Variants in SBNO1 observed in about 807,000 individuals in gnomAD.
The protein encoded by SBNO1 is strawberry notch homolog 1.
A neutral mutation model predicts 173.6 loss-of-function variants in SBNO1; 23 were observed. The ratio of observed to expected loss-of-function variants is 0.13; its 90% CI spans 0.10 to 0.19. SBNO1 has a LOEUF of 0.19. Ranked by LOEUF, SBNO1 falls within the 10% of genes least tolerant of loss-of-function variation. The pLI, the probability that SBNO1 is intolerant of heterozygous loss-of-function variation, is 1.00. For synonymous variants in SBNO1, 632 were observed against 571.5 expected, an observed-to-expected ratio of 1.11 and a Z score of -1.51; for missense variants, 1,238 against 1,671.2, an observed-to-expected ratio of 0.74 and a Z score of 4.52.
intron 10 of SBNO1, 133 bp from the exon 11 acceptor site, chr12:123,328,160 C>T (rs933111105): frequency 4.9e-6 from 3 of 614,076 alleles, no homozygotes; most frequent in Non-Finnish European, 8.1e-6. Context: ...CAAAGGAAGT[C>T]CTATGGGCCT....
At chr12:123,352,977 T>A (rs1167619992) in intron 1 of SBNO1, among the ~76,000 whole-genome samples, 3 of 152,056 alleles carry the variant, frequency 2.0e-5, no homozygotes, top group African/African-American at 7.2e-5. Flanking sequence ...TTTTGTATTT[T>A]AGTAGAGATG....
intron 24 of SBNO1, 62 bp downstream of exon 24, chr12:123,313,558 C>T (rs1451720171): frequency 1.2e-6 from 1 of 865,928 alleles, no homozygotes; most frequent in East Asian, 2.5e-5. Context: ...AACATTACAA[C>T]AGGTTTGAGT....
chr12:123,332,095 C>T (rs1354538003), intron 7 of SBNO1, among the ~76,000 whole-genome samples: 6 of 152,014 alleles, frequency 3.9e-5, no homozygotes, highest in African/African-American at 1.2e-4. Context: ...ATGATGCACC[C>T]GCCTTGGCCT....
chr12:123,292,975 C>T lies in SBNO1; in HGVS notation c.*2933G>A, dbSNP rs994778728. The T allele has an allele frequency of 1.3e-5, 2 of 152,214 alleles. No individual in the cohort carries two copies. Among genetic ancestry groups the T allele is most frequent in the East Asian group, 1.9e-4 (1 of 5,202 alleles). The allele number at this position is 152,214 out of a possible 1,614,324, so 9.4% of individuals were successfully genotyped here. A position where few individuals can be genotyped will look rare whatever the true frequency, so the allele number is the denominator to read the frequency against. Reference sequence around the variant, plus strand: ...TGGAGGTTGCTAAATGAGGGGAACACTAATTCCCCCAGAGATAACATCTGA... The same window carrying T: ...TGGAGGTTGCTAAATGAGGGGAACATTAATTCCCCCAGAGATAACATCTGA... On this transcript the variant is annotated 3_prime_UTR_variant, in exon 32 of 32. Transcript: ENST00000602398.
In SBNO1 at chr12:123,350,235, C is replaced by A; in HGVS notation, c.132+75G>T. On this transcript the variant is annotated intron_variant, in intron 2 of 31. Transcript: ENST00000602398. Reference sequence around the variant, plus strand: ...CACCACTGCACCCCAGCCTGGGCCACAGAGTGAGACTATCTTAAAAAAAAA... The same window carrying A: ...CACCACTGCACCCCAGCCTGGGCCAAAGAGTGAGACTATCTTAAAAAAAAA... 3.9e-6 allele frequency: 6 copies of A among 1,554,538 alleles called. No homozygotes were observed. In the South Asian group the frequency reaches 6.9e-5, roughly 18 times the overall value.
intron 1 of SBNO1, 92 bp from the exon 2 acceptor site, chr12:123,350,533 T>C (rs1344035981): frequency 9.9e-7 from 1 of 1,008,592 alleles, no homozygotes; most frequent in Non-Finnish European, 1.5e-6. Flanking sequence ...CAATCTCTAT[T>C]AGACCCATTC....
intron 1 of SBNO1, among the ~76,000 whole-genome samples, chr12:123,358,751 AAAAAAAAAAAAAAAAAG>A (rs1299347809): frequency 6.5e-5 from 9 of 138,200 alleles, no homozygotes; most frequent in East Asian, 2.1e-4. Flanking sequence ...TCAAAAAAAA[AAAAAAAAAAAAAAAAAG>A]AAGAAGAAAA....
Position 123,326,350 on chromosome 12 carries a change from C to T in SBNO1, c.1693-16G>A. On this transcript the variant is annotated splice_polypyrimidine_tract_variant and intron_variant, in intron 13 of 31. Coordinates refer to ENST00000602398, the MANE Select transcript of SBNO1 (RefSeq NM_001167856.3). ...CGATGACCCACTGAAGATACATAATCAACATTTCAGACACTTCATCTTTGA... is the reference window on the plus strand; with the variant it reads ...CGATGACCCACTGAAGATACATAATTAACATTTCAGACACTTCATCTTTGA... 1 of 1,548,152 alleles carries T rather than the reference C, an allele frequency of 6.5e-7. No homozygotes were observed. The highest frequency in any genetic ancestry group is 1.2e-5 in the South Asian group (1 of 82,146).
chr12:123,361,304 T>G (rs1324950708), intron 1 of SBNO1, among the ~76,000 whole-genome samples: 4 of 151,502 alleles, frequency 2.6e-5, no homozygotes, highest in Non-Finnish European at 5.9e-5. Context: ...ATCCCAGTAC[T>G]TTGGGAGGCG....
intron 28 of SBNO1, among the ~76,000 whole-genome samples, chr12:123,307,194 T>C (rs2048940395): frequency 6.6e-6 from 1 of 151,612 alleles, no homozygotes. Context: ...GAGATCCCAT[T>C]ACAAAAAACA....
At chr12:123,316,556 G>A (rs1869296341) in intron 21 of SBNO1, among the ~76,000 whole-genome samples, 1 of 151,744 alleles carries the variant, frequency 6.6e-6, no homozygotes, top group Non-Finnish European at 1.5e-5. Flanking sequence ...GTCACGCTCT[G>A]TCACCCAGGC....
rs905143454 is a variant in SBNO1, at chr12:123,289,798, C to G, written c.*6110G>C. The G allele has an allele frequency of 3.3e-5, 5 of 152,246 alleles. No individual in the cohort carries two copies. The highest frequency in any genetic ancestry group is 5.9e-5 in the Non-Finnish European group (4 of 68,052). 9.4% of individuals were successfully genotyped at this position (152,246 alleles called of 1,614,324 possible). A position where few individuals can be genotyped will look rare whatever the true frequency, so the allele number is the denominator to read the frequency against. ...CAATGTGCTATGTAGAAAAAAAGCTCTCTCTGCCCCATAAAGTGGGAGTCA... is the reference window on the plus strand; with the variant it reads ...CAATGTGCTATGTAGAAAAAAAGCTGTCTCTGCCCCATAAAGTGGGAGTCA... On this transcript the variant is annotated 3_prime_UTR_variant, in exon 32 of 32. Coordinates refer to ENST00000602398, the MANE Select transcript of SBNO1 (RefSeq NM_001167856.3).
chr12:123,313,598 TA>T, intron 24 of SBNO1, 21 bp downstream of exon 24: 1 of 1,186,818 alleles, frequency 8.4e-7, no homozygotes, highest in Non-Finnish European at 1.2e-6. Flanking sequence ...TTGTCATTGT[TA>T]TGAATATTTG....
chr12:123,300,956 T>A, intron 30 of SBNO1, among the ~76,000 whole-genome samples: 2 of 140,592 alleles, frequency 1.4e-5, no homozygotes, highest in South Asian at 2.5e-4. Flanking sequence ...AAGGACACCA[T>A]CTCAAAAAAA....
At chr12:123,356,022 G>C (rs1874422117) in intron 1 of SBNO1, among the ~76,000 whole-genome samples, 1 of 152,132 alleles carries the variant, frequency 6.6e-6, no homozygotes, top group South Asian at 2.1e-4. Flanking sequence ...TCCTCTTGCT[G>C]AGACCTAAAA....
chr12:123,304,815 C>T (rs1487499681), intron 28 of SBNO1, 96 bp from the exon 29 acceptor site: 1 of 842,186 alleles, frequency 1.2e-6, no homozygotes, highest in Non-Finnish European at 1.9e-6. Flanking sequence ...TCATTTGAGA[C>T]TATAACACTA....
chr12:123,329,704 A>G (rs982695313), intron 9 of SBNO1, among the ~76,000 whole-genome samples: 1 of 152,118 alleles, frequency 6.6e-6, no homozygotes, highest in Non-Finnish European at 1.5e-5. Context: ...AACCCACCCT[A>G]ACAAGCCACT....
intron 24 of SBNO1, among the ~76,000 whole-genome samples, chr12:123,312,055 A>G (rs1246152121): frequency 6.6e-6 from 1 of 151,788 alleles, no homozygotes; most frequent in African/African-American, 2.4e-5. Flanking sequence ...CTGTAATTTT[A>G]AGAAGTTAGA....
At chr12:123,296,074 T>G (rs1377663425) in intron 31 of SBNO1, 24 bp from the exon 32 acceptor site, 1 of 1,528,766 alleles carries the variant, frequency 6.5e-7, no homozygotes, top group Non-Finnish European at 9.1e-7. Flanking sequence ...CAAGAATTTA[T>G]CAAGTTGTGT....
Sources: allele counts gnomAD v4.1 joint callset (sites outside exome capture counted in the v4.1 genomes callset), GRCh38; gene constraint gnomAD v4.1.1; transcripts MANE v1.5; gene names NCBI Gene and HGNC (gene_info 2026-07-23, HGNC 2026-07-21).